Variants in DHRS3 observed in about 807,000 individuals in gnomAD.
DHRS3 encodes the protein short-chain dehydrogenase/reductase 3.
In DHRS3, 14 loss-of-function variants were observed where a neutral mutation model predicts 27.2. The ratio of observed to expected loss-of-function variants is 0.52; its 90% CI spans 0.34 to 0.81. DHRS3 has a LOEUF of 0.81. Ranked by LOEUF, DHRS3 falls within the 30% of genes least tolerant of loss-of-function variation. The pLI is 0.01. For synonymous variants in DHRS3, 165 were observed against 175.9 expected (o/e 0.94, Z 0.49); for missense variants, 322 against 406.2 (o/e 0.79, Z 1.78).
chr1:12,568,241 A>G lies in DHRS3; in HGVS notation c.*99T>C. 1 of 1,157,220 alleles carries G rather than the reference A, an allele frequency of 8.6e-7. No individual in the cohort carries two copies. Among genetic ancestry groups the G allele is most frequent in the Non-Finnish European group, 1.3e-6 (1 of 773,090 alleles). The allele number at this position is 1,157,220 out of a possible 1,614,324, so 71.7% of individuals were successfully genotyped here. Reference sequence around the variant, plus strand: ...GCTGGGGACAGGAGCTGTCCTGCTCACCCAGCAGAAGCATGCCAATGGACA... The same window carrying G: ...GCTGGGGACAGGAGCTGTCCTGCTCGCCCAGCAGAAGCATGCCAATGGACA... On this transcript the variant is annotated 3_prime_UTR_variant, in exon 6 of 6. Coordinates refer to ENST00000616661, the MANE Select transcript of DHRS3 (RefSeq NM_004753.7).
At position 12,574,522 on chromosome 1, in the gene DHRS3, C is replaced by T. The variant is rs563301544; in HGVS notation, c.699-1669G>A. ...CCCTGTGGTCAAGAGGGGCCAGCCT[C>T]TGCCATTCTACAGAGATGAACGTGT... On this transcript the variant is annotated intron_variant, in intron 4 of 5. Transcript: ENST00000616661. The surrounding 1 kb of genome is among the most constrained non-coding windows in gnomAD (Gnocchi z 4.6). Among the ~76,000 whole-genome samples, 50 of 152,184 alleles carry T rather than the reference C, an allele frequency of 3.3e-4. 1 individual carries two copies. The highest frequency in any genetic ancestry group is 6.5e-4 in the Non-Finnish European group (44 of 68,038).
chr1:12,590,590 G>A (rs530045074), intron 1 of DHRS3, among the ~76,000 whole-genome samples: 4 of 152,226 alleles, frequency 2.6e-5, no homozygotes, highest in South Asian at 2.1e-4. Context: ...GATTACAGGC[G>A]TGAGCCACCG....
chr1:12,578,621 AT>A lies in DHRS3; in HGVS notation c.698+96del. On this transcript the variant is annotated intron_variant, in intron 4 of 5. Coordinates refer to ENST00000616661, the MANE Select transcript of DHRS3 (RefSeq NM_004753.7). The surrounding 1 kb of genome is among the most constrained non-coding windows in gnomAD (Gnocchi z 4.5). Reference sequence around the variant, plus strand: ...GGTATGAGGCACCGTGCCTAGCCCGATTTTTATATCAGAGCTCTTTCTGCAG... The same window carrying A: ...GGTATGAGGCACCGTGCCTAGCCCGATTTTATATCAGAGCTCTTTCTGCAG... The A allele has an allele frequency of 7.6e-7, 1 of 1,315,356 alleles. No homozygotes were observed. Among genetic ancestry groups the A allele is most frequent in the Non-Finnish European group, 1.1e-6 (1 of 923,688 alleles). The allele number at this position is 1,315,356 out of a possible 1,614,324, so 81.5% of individuals were successfully genotyped here.
At chr1:12,571,212 G>T (rs1646533673) in intron 5 of DHRS3, among the ~76,000 whole-genome samples, 1 of 152,236 alleles carries the variant, frequency 6.6e-6, no homozygotes, top group South Asian at 2.1e-4. Flanking sequence ...TGTGGGACTG[G>T]GATGGGAAGG....
At chr1:12,615,517 TATAG>T (rs1646938997) in intron 1 of DHRS3, among the ~76,000 whole-genome samples, 1 of 152,192 alleles carries the variant, frequency 6.6e-6, no homozygotes, top group Non-Finnish European at 1.5e-5. Flanking sequence ...TAGGATTGTT[TATAG>T]TCAGTCGAGT....
intron 1 of DHRS3, among the ~76,000 whole-genome samples, chr1:12,585,323 G>A (rs1646687271): frequency 6.6e-6 from 1 of 150,514 alleles, no homozygotes; most frequent in South Asian, 2.1e-4. Flanking sequence ...GTGTCTCTAT[G>A]TGTCTCTGTG....
rs1646684366 is a variant in DHRS3 at position 12,585,211 on chromosome 1, A to ATCTCTGTGTGGCTCTGTGAGTGTGTG, written c.196-4546_196-4545insCACACACTCACAGAGCCACACAGAGA. Among the ~76,000 whole-genome samples the ATCTCTGTGTGGCTCTGTGAGTGTGTG allele has an allele frequency of 1.4e-5, 2 of 140,178 alleles. 1 individual carries two copies. Among genetic ancestry groups the ATCTCTGTGTGGCTCTGTGAGTGTGTG allele is most frequent in the African/African-American group, 6.0e-5 (2 of 33,612 alleles). The allele number at this position is 140,178 out of a possible 152,430, so 92.0% of individuals were successfully genotyped here. On this transcript the variant is annotated intron_variant, in intron 1 of 5. Transcript: ENST00000616661. ...TTTCTGTGTGTGTGTGTGTCTGTGT[A>ATCTCTGTGTGGCTCTGTGAGTGTGTG]TCTCTGTGTGTGTGTGTCTATGTGA...
chr1:12,575,824 A>G (rs1390205991), intron 4 of DHRS3, among the ~76,000 whole-genome samples: 1 of 152,090 alleles, frequency 6.6e-6, no homozygotes, highest in Non-Finnish European at 1.5e-5. Flanking sequence ...CTCCTGCCTC[A>G]GCCTCCTGAG....
At chr1:12,590,296 T>C (rs1646734739) in intron 1 of DHRS3, among the ~76,000 whole-genome samples, 1 of 152,104 alleles carries the variant, frequency 6.6e-6, no homozygotes, top group Non-Finnish European at 1.5e-5. Flanking sequence ...GGTGACACTT[T>C]AGGTTTCTAG....
At chr1:12,607,912 CT>C (rs1276610048) in intron 1 of DHRS3, among the ~76,000 whole-genome samples, 8 of 152,088 alleles carry the variant, frequency 5.3e-5, no homozygotes, top group Non-Finnish European at 1.2e-4. Context: ...CAGTCTTGCT[CT>C]GTTGCCCAGG....
chr1:12,613,518 T>C (rs1646923933), intron 1 of DHRS3, among the ~76,000 whole-genome samples: 1 of 152,180 alleles, frequency 6.6e-6, no homozygotes, highest in South Asian at 2.1e-4. Flanking sequence ...TCAAGGGACT[T>C]ATAAGCTTGG....
chr1:12,612,847 T>C (rs903621510), intron 1 of DHRS3, among the ~76,000 whole-genome samples: 4 of 152,002 alleles, frequency 2.6e-5, no homozygotes, highest in East Asian at 1.9e-4. Flanking sequence ...TCACCTGAGG[T>C]TGGGAGTTCG....
At chr1:12,600,659 C>T (rs76426581) in intron 1 of DHRS3, among the ~76,000 whole-genome samples, 1 of 152,148 alleles carries the variant, frequency 6.6e-6, no homozygotes, top group South Asian at 2.1e-4. Flanking sequence ...AGGAAGACCC[C>T]CCTCACCAAC....
At position 12,591,144 on chromosome 1, in the gene DHRS3, C is replaced by T. The variant is rs1646742346; in HGVS notation, c.196-10478G>A. The stretch of plus-strand genomic sequence containing the variant: ...CAGCAAGGGGGATCTATATCTGTTG[C>T]TGTACTAATAAAAATAGTAACAGCT... On this transcript the variant is annotated intron_variant, in intron 1 of 5. Transcript: ENST00000616661. The surrounding 1 kb of genome is among the most constrained non-coding windows in gnomAD (Gnocchi z 4.1). Among the ~76,000 whole-genome samples, 1 of 152,238 alleles carries T rather than the reference C, an allele frequency of 6.6e-6. No homozygotes were observed. The highest frequency in any genetic ancestry group is 2.1e-4 in the South Asian group (1 of 4,836).
chr1:12,585,452 T>C (rs1393550881), intron 1 of DHRS3, among the ~76,000 whole-genome samples: 1 of 152,170 alleles, frequency 6.6e-6, no homozygotes, highest in African/African-American at 2.4e-5. Flanking sequence ...CTCAGGTCCT[T>C]GGTGGATGCT....
intron 1 of DHRS3, among the ~76,000 whole-genome samples, chr1:12,597,268 G>C (rs192574615): frequency 6.6e-6 from 1 of 152,146 alleles, no homozygotes; most frequent in Non-Finnish European, 1.5e-5. Flanking sequence ...GTAGAGACAG[G>C]GTTTCACCAT....
rs1646567549 is a variant in DHRS3 at position 12,574,377 on chromosome 1, C to T, written c.699-1524G>A. Among the ~76,000 whole-genome samples, 1 of 152,048 alleles carries T rather than the reference C, an allele frequency of 6.6e-6. No individual in the cohort carries two copies. Among genetic ancestry groups the T allele is most frequent in the African/African-American group, 2.4e-5 (1 of 41,402 alleles). ...GTAGAGATGGGGTTTTGCCATGTTG[C>T]CCAGGCTGGCAACTCCTGGGCTGAA... On this transcript the variant is annotated intron_variant, in intron 4 of 5. Coordinates refer to ENST00000616661, the MANE Select transcript of DHRS3 (RefSeq NM_004753.7). This position sits in a 1 kb window ranked among gnomAD's most constrained non-coding sequence, Gnocchi z 4.6.
rs202124062 is a variant in DHRS3, at chr1:12,572,741, C to T, written c.811G>A (p.Val271Ile). ...LLLPWTMHAL[V>I]ILKSILPQAA... ...CCAGCCCCATACCTTTTCAAGATAA[C>T]GAGGGCATGCATTGTCCATGGGAGG... Residue 271 changes from valine to isoleucine, a missense_variant, in exon 5 of 6, where the codon GTT becomes ATT. Coordinates refer to ENST00000616661, the MANE Select transcript of DHRS3 (RefSeq NM_004753.7). 302 of 1,604,832 alleles carry T rather than the reference C, an allele frequency of 1.9e-4. No individual in the cohort carries two copies. The highest frequency in any genetic ancestry group is 2.4e-4 in the Non-Finnish European group (285 of 1,175,816).
At chr1:12,597,307 C>CCT (rs1310756668) in intron 1 of DHRS3, among the ~76,000 whole-genome samples, 1 of 152,200 alleles carries the variant, frequency 6.6e-6, no homozygotes, top group Admixed American at 6.5e-5. Flanking sequence ...GAACTCCTGA[C>CCT]CTCAACTGGT....
Sources: allele counts gnomAD v4.1 joint callset (sites outside exome capture counted in the v4.1 genomes callset), GRCh38; gene constraint gnomAD v4.1.1; non-coding constraint Gnocchi (gnomAD v3.1); transcripts MANE v1.5; gene names NCBI Gene and HGNC (gene_info 2026-07-23, HGNC 2026-07-21).